RIPOR1: variants seen among roughly 807,000 people sequenced by gnomAD.
RIPOR1 encodes RHO family interacting cell polarization regulator 1.
In RIPOR1, 58 loss-of-function variants were observed where a neutral mutation model predicts 116.5. The ratio of observed to expected loss-of-function variants is 0.50; its 90% CI spans 0.40 to 0.62. The LOEUF (loss-of-function observed/expected upper bound fraction) is 0.62. Among genes scored for constraint, RIPOR1 ranks in the 20% least tolerant of loss-of-function variants. The pLI is 0.00. For synonymous variants in RIPOR1, 605 were observed against 650.0 expected, an observed-to-expected ratio of 0.93 and a Z score of 1.05; for missense variants, 1,372 against 1,586.2, an observed-to-expected ratio of 0.86 and a Z score of 2.29.
chr16:67,542,118 C>T lies in RIPOR1; in HGVS notation c.1332C>T (p.Tyr444=). 3 of 1,613,268 alleles carry T rather than the reference C, an allele frequency of 1.9e-6. No individual in the cohort carries two copies. Among genetic ancestry groups the T allele is most frequent in the Non-Finnish European group, 2.5e-6 (3 of 1,179,344 alleles). The part of the protein sequence containing the change: ...APVLANGHAP[Y]SRTLSHISEA... ...TCCTGGCAAATGGGCATGCACCCTACAGTCGGACTCTGAGCCACATCAGTG... is the reference window on the plus strand; with the variant it reads ...TCCTGGCAAATGGGCATGCACCCTATAGTCGGACTCTGAGCCACATCAGTG... Residue 444 remains tyrosine, a synonymous_variant, in exon 13 of 22, where the codon TAC becomes TAT. Transcript: ENST00000042381. The surrounding 1 kb of genome is among the most constrained non-coding windows in gnomAD (Gnocchi z 4.6).
At chr16:67,521,759 G>A (rs867110381) in intron 1 of RIPOR1, among the ~76,000 whole-genome samples, 2 of 152,340 alleles carry the variant, frequency 1.3e-5, no homozygotes, top group Middle Eastern at 6.8e-3. Context: ...CGATTGCCAA[G>A]CCTAGAAATT....
rs1313866603 is a variant in RIPOR1, at chr16:67,540,757, G to T, written c.801+53G>T. On this transcript the variant is annotated intron_variant, in intron 10 of 21. Transcript: ENST00000042381. The surrounding 1 kb of genome is among the most constrained non-coding windows in gnomAD (Gnocchi z 4.7). ...CACCATGGCCCTGTGAACCCCTTGT[G>T]ACCCCCATTACCCTGAGTCCCTTAC... 2.0e-6 allele frequency: 3 copies of T among 1,527,288 alleles called. No individual in the cohort carries two copies. Among genetic ancestry groups the T allele is most frequent in the Non-Finnish European group, 2.6e-6 (3 of 1,132,888 alleles). The allele number at this position is 1,527,288 out of a possible 1,614,324, so 94.6% of individuals were successfully genotyped here.
At position 67,538,350 on chromosome 16, in the gene RIPOR1, G is replaced by A. The variant is rs2050862531; in HGVS notation, c.-23-74G>A. 12 of 1,502,132 alleles carry A rather than the reference G, an allele frequency of 8.0e-6. No individual in the cohort carries two copies. The South Asian group carries it at 1.5e-4, about 19-fold the overall frequency. 93.1% of individuals were successfully genotyped at this position (1,502,132 alleles called of 1,614,324 possible). Reference sequence around the variant, plus strand: ...CTAGCGACAGGAAAGACCTGCGCCAGCCCTGGATCCCGCTGCGTGGGAGAG... The same window carrying A: ...CTAGCGACAGGAAAGACCTGCGCCAACCCTGGATCCCGCTGCGTGGGAGAG... On this transcript the variant is annotated intron_variant, in intron 1 of 21. Transcript: ENST00000042381.
Position 67,537,502 on chromosome 16 carries a change from G to A in RIPOR1, c.-23-922G>A. Reference sequence around the variant, plus strand: ...CCGCTGGGAGCGAGCCCGGAGCCCAGCCGGGCGGCTCGAAGTGGCCAGGGC... The same window carrying A: ...CCGCTGGGAGCGAGCCCGGAGCCCAACCGGGCGGCTCGAAGTGGCCAGGGC... On this transcript the variant is annotated intron_variant, in intron 1 of 21. Transcript: ENST00000042381. This position sits in a 1 kb window ranked among gnomAD's most constrained non-coding sequence, Gnocchi z 4.6. 7.9e-7 allele frequency: 1 copy of A among 1,273,008 alleles called. No homozygotes were observed. The allele number at this position is 1,273,008 out of a possible 1,614,324, so 78.9% of individuals were successfully genotyped here. A position where few individuals can be genotyped will look rare whatever the true frequency, so the allele number is the denominator to read the frequency against.
Position 67,542,408 on chromosome 16 carries a change from T to C in RIPOR1, c.1622T>C (p.Leu541Pro). 16 of 1,613,892 alleles carry C rather than the reference T, an allele frequency of 9.9e-6. No individual in the cohort carries two copies. The highest frequency in any genetic ancestry group is 1.4e-5 in the Non-Finnish European group (16 of 1,179,930). Residue 541 changes from leucine (L) to proline (P), a missense_variant, in exon 13 of 22, where the codon CTG (leucine) becomes CCG (proline). Transcript: ENST00000042381. The surrounding 1 kb of genome is among the most constrained non-coding windows in gnomAD (Gnocchi z 4.6). ...HKSTDSGPSE[L>P]PGPTHTTTGS... is the part of the protein sequence containing the mutation. The stretch of plus-strand genomic sequence containing the variant: ...TCCACAGACTCTGGCCCTTCAGAAC[T>C]GCCAGGCCCCACTCACACCACTACA...
At position 67,544,764 on chromosome 16, in the gene RIPOR1, C is replaced by G. The variant is rs2051111722; in HGVS notation, c.2803C>G (p.Arg935Gly). ...WALERLLREA[R>G]VLEAVCEFSR... ...CCTGGAGCGGCTGCTGCGGGAAGCC[C>G]GAGTACTGGAGGCAGTATGCGAGTT... Residue 935 changes from arginine (R) to glycine (G), a missense_variant, in exon 16 of 22, where the codon CGA becomes GGA. Physicochemically the swap from Arg to Gly is moderately radical, Grantham distance 125 (BLOSUM62 -2). This residue lies in a region of RIPOR1 where 1,005 missense variants were observed against 1,144.7 expected (regional missense o/e 0.88). Coordinates refer to ENST00000042381, the MANE Select transcript of RIPOR1 (RefSeq NM_024519.4). This position sits in a 1 kb window ranked among gnomAD's most constrained non-coding sequence, Gnocchi z 5.1. The G allele has an allele frequency of 6.2e-7, 1 of 1,611,156 alleles. No homozygotes were observed. Among genetic ancestry groups the G allele is most frequent in the African/African-American group, 1.3e-5 (1 of 75,018 alleles).
At chr16:67,527,445 G>A (rs1296836329), upstream of RIPOR1, among the ~76,000 whole-genome samples, 1 of 150,796 alleles carries the variant, frequency 6.6e-6, no homozygotes, top group African/African-American at 2.4e-5. Context: ...CAAGAGGAGG[G>A]GCTGGAGAGT....
In RIPOR1 at chr16:67,544,045, A is replaced by G. The variant is rs2051084370; in HGVS notation, c.2601-254A>G. Among the ~76,000 whole-genome samples the G allele has an allele frequency of 6.6e-6, 1 of 151,526 alleles. No individual in the cohort carries two copies. The highest frequency in any genetic ancestry group is 1.5e-5 in the Non-Finnish European group (1 of 67,878). On this transcript the variant is annotated intron_variant, in intron 14 of 21. Coordinates refer to ENST00000042381, the MANE Select transcript of RIPOR1 (RefSeq NM_024519.4). The surrounding 1 kb of genome is among the most constrained non-coding windows in gnomAD (Gnocchi z 5.1). The stretch of plus-strand genomic sequence containing the variant: ...TCATAAACCATCCCGCCTGCAGCCT[A>G]CTCCTACCCATGCCATCCCCAGTGG...
rs201379470 is a variant in RIPOR1, at chr16:67,542,754, T to A, written c.1968T>A (p.Ser656Arg). ...TGGGCCTAGTCCAGACTGCCACAAG[T>A]CCCACCCATCCTACCACAAGCCCCA... ...SGMGLVQTAT[S>R]PTHPTTSPTH... is the part of the protein sequence containing the mutation. Residue 656 changes from serine (S) to arginine (R), a missense_variant, in exon 13 of 22, where the codon AGT becomes AGA. Coordinates refer to ENST00000042381, the MANE Select transcript of RIPOR1 (RefSeq NM_024519.4). The surrounding 1 kb of genome is among the most constrained non-coding windows in gnomAD (Gnocchi z 4.6). 2.5e-6 allele frequency: 4 copies of A among 1,606,718 alleles called. No individual in the cohort carries two copies. The Admixed American group carries it at 6.7e-5, about 27-fold the overall frequency.
At position 67,546,666 on chromosome 16, in the gene RIPOR1, T is replaced by A; in HGVS notation, c.*203T>A. 1.7e-6 allele frequency: 1 copy of A among 585,800 alleles called. No individual in the cohort carries two copies. Among genetic ancestry groups the A allele is most frequent in the Non-Finnish European group, 3.0e-6 (1 of 328,152 alleles). 36.3% of individuals were successfully genotyped at this position (585,800 alleles called of 1,614,324 possible). A position where few individuals can be genotyped will look rare whatever the true frequency, so the allele number is the denominator to read the frequency against. On this transcript the variant is annotated 3_prime_UTR_variant, in exon 22 of 22. Transcript: ENST00000042381. Reference sequence around the variant, plus strand: ...TGCCTCCCAGCCTCGGCTCAGCACATCCCTTGCCACAAATCAGTGTCTGGG... The same window carrying A: ...TGCCTCCCAGCCTCGGCTCAGCACAACCCTTGCCACAAATCAGTGTCTGGG...
intron 1 of RIPOR1, among the ~76,000 whole-genome samples, chr16:67,519,034 C>T (rs1597607792): frequency 6.6e-6 from 1 of 152,324 alleles, no homozygotes; most frequent in African/African-American, 2.4e-5. Flanking sequence ...CCTGTAATCC[C>T]AGTAATTTGG....
upstream of RIPOR1, among the ~76,000 whole-genome samples, chr16:67,527,188 C>T (rs2050547804): frequency 6.6e-6 from 1 of 152,110 alleles, no homozygotes; most frequent in South Asian, 2.1e-4. Flanking sequence ...CTTTGAGAGG[C>T]CAAGGTGGGT....
At position 67,543,119 on chromosome 16, in the gene RIPOR1, T is replaced by C; in HGVS notation, c.2333T>C (p.Val778Ala). The change falls in exon 13 of 22, where the codon GTC (valine) becomes GCC (alanine). Residue 778 changes from valine (V) to alanine (A), a missense_variant. By Grantham distance (64) the Val-to-Ala change is moderately conservative (BLOSUM62 0). Coordinates refer to ENST00000042381, the MANE Select transcript of RIPOR1 (RefSeq NM_024519.4). This position sits in a 1 kb window ranked among gnomAD's most constrained non-coding sequence, Gnocchi z 4.7. ...LCLAMAVQTPVPTAAGGSGDR... is the reference protein window; with the variant it reads ...LCLAMAVQTPAPTAAGGSGDR... Reference sequence around the variant, plus strand: ...CTGGCCATGGCTGTCCAGACCCCAGTCCCAACGGCAGCCGGAGGGTCTGGG... The same window carrying C: ...CTGGCCATGGCTGTCCAGACCCCAGCCCCAACGGCAGCCGGAGGGTCTGGG... The C allele has an allele frequency of 7.2e-6, 11 of 1,523,892 alleles. No individual in the cohort carries two copies. The highest frequency in any genetic ancestry group is 8.8e-6 in the Non-Finnish European group (10 of 1,137,998). 94.4% of individuals were successfully genotyped at this position (1,523,892 alleles called of 1,614,324 possible).
In RIPOR1 at chr16:67,543,403, A is replaced by G. The variant is rs2051059701; in HGVS notation, c.2534A>G (p.His845Arg). 3 of 1,587,062 alleles carry G rather than the reference A, an allele frequency of 1.9e-6. No individual in the cohort carries two copies. The highest frequency in any genetic ancestry group is 2.6e-6 in the Non-Finnish European group (3 of 1,166,242). ...RASSLSITVE[H>R]ALESFSFLNE... ...TCCAGTCTCAGCATCACTGTGGAGCATGCCTTGGAGAGCTTCAGCTTCCTC... is the reference window on the plus strand; with the variant it reads ...TCCAGTCTCAGCATCACTGTGGAGCGTGCCTTGGAGAGCTTCAGCTTCCTC... The change falls in exon 14 of 22, where the codon CAT (histidine) becomes CGT (arginine). Residue 845 changes from histidine to arginine, a missense_variant. His to Arg is a conservative substitution (Grantham distance 29). Coordinates refer to ENST00000042381, the MANE Select transcript of RIPOR1 (RefSeq NM_024519.4). This position sits in a 1 kb window ranked among gnomAD's most constrained non-coding sequence, Gnocchi z 4.7.
In RIPOR1 at chr16:67,529,546, T is replaced by G. The variant is rs2050598034; in HGVS notation, c.-24+632T>G. The stretch of plus-strand genomic sequence containing the variant: ...GTTCCTGCAACAGCCGGGCCTGGGC[T>G]CTCTGCAGAACTGGTTTGGGCAAGG... On this transcript the variant is annotated intron_variant, in intron 1 of 21. Transcript: ENST00000042381. The surrounding 1 kb of genome is among the most constrained non-coding windows in gnomAD (Gnocchi z 4.1). The G allele has an allele frequency of 1.0e-5, 5 of 482,796 alleles. No individual in the cohort carries two copies. The highest frequency in any genetic ancestry group is 1.8e-5 in the Non-Finnish European group (5 of 271,468). 29.9% of individuals were successfully genotyped at this position (482,796 alleles called of 1,614,324 possible).
At position 67,542,424 on chromosome 16, in the gene RIPOR1, C is replaced by T. The variant is rs765668474; in HGVS notation, c.1638C>T (p.His546=). ...CTTCAGAACTGCCAGGCCCCACTCA[C>T]ACCACTACAGGCTCTACCTATAGTG... The part of the protein sequence containing the change: ...SGPSELPGPT[H]TTTGSTYSAI... The change falls in exon 13 of 22, where the codon CAC becomes CAT. Residue 546 remains histidine, a synonymous_variant. Transcript: ENST00000042381. The surrounding 1 kb of genome is among the most constrained non-coding windows in gnomAD (Gnocchi z 4.6). 3.1e-6 allele frequency: 5 copies of T among 1,613,810 alleles called. No individual in the cohort carries two copies. The Admixed American group carries it at 5.0e-5, about 16-fold the overall frequency.
At chr16:67,546,093 C>G (rs781416757) in intron 20 of RIPOR1, 48 bp from the exon 21 acceptor site, 1 of 1,609,254 alleles carries the variant, frequency 6.2e-7, no homozygotes, top group African/African-American at 1.3e-5. Context: ...CCCTGAAACC[C>G]TCCCATCTGC....
At position 67,545,285 on chromosome 16, in the gene RIPOR1, C is replaced by A; in HGVS notation, c.3032-91C>A. ...AGATGGGTGGGGTTTGAACAGGGGGCCCCTGGACCTGAGCCTGGGATAGGA... is the reference window on the plus strand; with the variant it reads ...AGATGGGTGGGGTTTGAACAGGGGGACCCTGGACCTGAGCCTGGGATAGGA... On this transcript the variant is annotated intron_variant, in intron 17 of 21. Transcript: ENST00000042381. This position sits in a 1 kb window ranked among gnomAD's most constrained non-coding sequence, Gnocchi z 4.8. 2 of 1,539,060 alleles carry A rather than the reference C, an allele frequency of 1.3e-6. No homozygotes were observed. Among genetic ancestry groups the A allele is most frequent in the Non-Finnish European group, 8.8e-7 (1 of 1,136,758 alleles).
Position 67,544,309 on chromosome 16 carries a change from A to T in RIPOR1, c.2611A>T (p.Ser871Cys), listed in dbSNP as rs770474482. ...CCATTTTTCCCTCAGGCCTCCAAGC[A>T]GCCCGGAGGCTGGGGCTGAGGACAG... ...NDVPGDRPPS[S>C]PEAGAEDSID... is the part of the protein sequence containing the mutation. Residue 871 changes from serine (S) to cysteine (C), a missense_variant, in exon 15 of 22, where the codon AGC becomes TGC. Ser to Cys is a moderately radical substitution (Grantham distance 112). Around this residue, in one of 3 missense-constraint regions of RIPOR1, gnomAD observed 1,005 missense variants for 1,144.7 expected, o/e 0.88. Transcript: ENST00000042381. This position sits in a 1 kb window ranked among gnomAD's most constrained non-coding sequence, Gnocchi z 5.1. 6.2e-7 allele frequency: 1 copy of T among 1,601,422 alleles called. No individual in the cohort carries two copies. The highest frequency in any genetic ancestry group is 1.1e-5 in the South Asian group (1 of 90,848).
Sources: allele counts gnomAD v4.1 joint callset (sites outside exome capture counted in the v4.1 genomes callset), GRCh38; gene constraint gnomAD v4.1.1; regional missense constraint gnomAD v4.1.1; non-coding constraint Gnocchi (gnomAD v3.1); transcripts MANE v1.5; gene names NCBI Gene and HGNC (gene_info 2026-07-23, HGNC 2026-07-21).